Variants in PAK1 observed in about 807,000 individuals in gnomAD.
PAK1 encodes the protein p21 (RAC1) activated kinase 1.
A neutral mutation model predicts 67.4 loss-of-function variants in PAK1; 29 were observed. The ratio of observed to expected loss-of-function variants is 0.43; its 90% CI spans 0.32 to 0.59. The LOEUF (loss-of-function observed/expected upper bound fraction) is 0.59. PAK1 is among the 20% of genes least tolerant of loss of function. PAK1 has a pLI of 0.07. For missense variants in PAK1, 337 were observed against 670.7 expected, an observed-to-expected ratio of 0.50 and a Z score of 5.50; for synonymous variants, 223 against 237.4, an observed-to-expected ratio of 0.94 and a Z score of 0.56.
intron 1 of PAK1, among the ~76,000 whole-genome samples, chr11:77,444,347 T>G (rs770450568): frequency 5.3e-5 from 8 of 151,270 alleles, no homozygotes; most frequent in Non-Finnish European, 1.2e-4. Flanking sequence ...CCCCCAAATT[T>G]AACTTATTTG....
chr11:77,446,141 T>C (rs532533665), intron 1 of PAK1, among the ~76,000 whole-genome samples: 4 of 152,338 alleles, frequency 2.6e-5, no homozygotes, highest in African/African-American at 9.6e-5. Context: ...ATAAATATAA[T>C]ATTTGTTGTT....
intron 1 of PAK1, among the ~76,000 whole-genome samples, chr11:77,463,757 A>G (rs1390359048): frequency 6.6e-6 from 1 of 152,190 alleles, no homozygotes; most frequent in Admixed American, 6.5e-5. Context: ...GATATTACAC[A>G]GGGTAGCGTT....
chr11:77,452,655 G>C (rs1014291541), intron 1 of PAK1, among the ~76,000 whole-genome samples: 8 of 152,084 alleles, frequency 5.3e-5, no homozygotes, highest in Admixed American at 5.2e-4. Flanking sequence ...CAGTATAGAC[G>C]AAGGTGGAAA....
intron 1 of PAK1, among the ~76,000 whole-genome samples, chr11:77,455,298 G>C (rs1957034844): frequency 1.3e-5 from 1 of 79,188 alleles, no homozygotes; most frequent in African/African-American, 7.7e-5. Flanking sequence ...GCACTACAGA[G>C]GTTGAAAAAA....
At chr11:77,384,926 A>C (rs953614104) in intron 2 of PAK1, among the ~76,000 whole-genome samples, 1 of 152,222 alleles carries the variant, frequency 6.6e-6, no homozygotes, top group Non-Finnish European at 1.5e-5. Flanking sequence ...AAAAAAGTGA[A>C]TGTAATTTAC....
Position 77,355,534 on chromosome 11 carries a change from TGAG to T in PAK1, c.772+131_772+133del, listed in dbSNP as rs1311357278. The T allele has an allele frequency of 1.2e-5, 8 of 688,762 alleles. No homozygotes were observed. The East Asian group carries it at 1.8e-4, about 15-fold the overall frequency. The allele number at this position is 688,762 out of a possible 1,614,324, so 42.7% of individuals were successfully genotyped here. A position where few individuals can be genotyped will look rare whatever the true frequency, so the allele number is the denominator to read the frequency against. ...AGGGAAGGGAGGTTCAGGGGCAGGG[TGAG>T]GAGAAGCAGTCTGTGCCTAAGGTAC... On this transcript the variant is annotated intron_variant, in intron 7 of 14. Coordinates refer to ENST00000356341, the MANE Select transcript of PAK1 (RefSeq NM_002576.5).
intron 1 of PAK1, among the ~76,000 whole-genome samples, chr11:77,446,705 G>A (rs994788348): frequency 2.0e-5 from 3 of 151,870 alleles, no homozygotes; most frequent in Non-Finnish European, 4.4e-5. Context: ...TTTGAAGTTT[G>A]TTTCTAGTTA....
At chr11:77,483,724 AT>A in the PAK1 span, among the ~76,000 whole-genome samples, 1 of 152,358 alleles carries the variant, frequency 6.6e-6, no homozygotes, top group African/African-American at 2.4e-5. Context: ...TAAAAATGCT[AT>A]TGCATGGCTA....
At chr11:77,447,216 C>A (rs1459989103) in intron 1 of PAK1, among the ~76,000 whole-genome samples, 1 of 152,194 alleles carries the variant, frequency 6.6e-6, no homozygotes, top group East Asian at 1.9e-4. Context: ...TACATTTTGG[C>A]CTTCTTTACC....
intron 2 of PAK1, among the ~76,000 whole-genome samples, chr11:77,380,464 G>A (rs1306632783): frequency 1.3e-5 from 2 of 152,162 alleles, no homozygotes; most frequent in Non-Finnish European, 2.9e-5. Flanking sequence ...CTGCATTCCA[G>A]CCTGGGTGAC....
At chr11:77,374,144 G>T (rs969966344) in intron 5 of PAK1, among the ~76,000 whole-genome samples, 184 bp downstream of exon 5, 4 of 152,070 alleles carry the variant, frequency 2.6e-5, no homozygotes, top group Non-Finnish European at 5.9e-5. Flanking sequence ...GGACATTAAA[G>T]CTGAAAGGGA....
At chr11:77,463,246 T>C (rs1957442797) in intron 1 of PAK1, among the ~76,000 whole-genome samples, 1 of 151,912 alleles carries the variant, frequency 6.6e-6, no homozygotes, top group Admixed American at 6.6e-5. Flanking sequence ...ATAAGACAGG[T>C]TAATGAATGG....
At chr11:77,421,275 T>C (rs1031261313) in intron 1 of PAK1, among the ~76,000 whole-genome samples, 2 of 152,236 alleles carry the variant, frequency 1.3e-5, no homozygotes, top group African/African-American at 4.8e-5. Flanking sequence ...TCATACCCTA[T>C]GGTGACTATG....
intron 12 of PAK1, among the ~76,000 whole-genome samples, chr11:77,336,521 T>C (rs1336346265): frequency 6.6e-6 from 1 of 152,190 alleles, no homozygotes. Flanking sequence ...CTCCTACTTC[T>C]CCTCAAACCA....
chr11:77,386,449 G>C (rs534618032), intron 2 of PAK1, among the ~76,000 whole-genome samples: 10 of 152,186 alleles, frequency 6.6e-5, no homozygotes, highest in East Asian at 5.8e-4. Flanking sequence ...TAAACCAAAG[G>C]CTCCAGATCC....
chr11:77,386,300 T>G (rs1950443163), intron 2 of PAK1, among the ~76,000 whole-genome samples: 1 of 152,210 alleles, frequency 6.6e-6, no homozygotes. Context: ...CGTTCCAAAC[T>G]TGGAGAGATA....
the PAK1 span, among the ~76,000 whole-genome samples, chr11:77,507,057 A>C: frequency 6.6e-6 from 1 of 152,228 alleles, no homozygotes; most frequent in Admixed American, 6.5e-5. Context: ...TGAATGACCG[A>C]GTATGGATCT....
intron 1 of PAK1, among the ~76,000 whole-genome samples, chr11:77,446,636 TAA>T (rs1565709197): frequency 1.3e-5 from 2 of 152,104 alleles, no homozygotes; most frequent in East Asian, 3.9e-4. Context: ...ACTTTCATGG[TAA>T]AGTTTTTATA....
chr11:77,420,827 T>C (rs1472877098), intron 1 of PAK1, among the ~76,000 whole-genome samples: 1 of 152,212 alleles, frequency 6.6e-6, no homozygotes, highest in African/African-American at 2.4e-5. Flanking sequence ...GGGTAAGTGC[T>C]ACTGGCATTT....
Sources: allele counts gnomAD v4.1 joint callset (sites outside exome capture counted in the v4.1 genomes callset), GRCh38; gene constraint gnomAD v4.1.1; transcripts MANE v1.5; gene names NCBI Gene and HGNC (gene_info 2026-07-23, HGNC 2026-07-21).